The following TRAF2 variants were observed in gnomAD, a reference collection of about 807,000 sequenced individuals.
TRAF2 encodes the protein TNF receptor associated factor 2, also known as TNF receptor-associated factor 2.
A neutral mutation model predicts 55.6 loss-of-function variants in TRAF2; 6 were observed. The observed-to-expected ratio is 0.11, with a 90% CI of 0.06 to 0.21. The LOEUF is 0.21. Ranked by LOEUF, TRAF2 falls within the 10% of genes least tolerant of loss-of-function variation. The pLI is 1.00. For missense variants in TRAF2, 561 were observed against 684.5 expected (o/e 0.82, Z 2.01); for synonymous variants, 329 against 276.3 (o/e 1.19, Z -1.89).
chr9:136,886,038 C>A (rs1849438195), upstream of TRAF2: 1 of 152,244 alleles, frequency 6.6e-6, no homozygotes, highest in African/African-American at 2.4e-5. Flanking sequence ...GGCCCCGCGT[C>A]CCGCGCGCGA....
At chr9:136,917,340 T>A (rs1441193510) in intron 7 of TRAF2, among the ~76,000 whole-genome samples, 1 of 152,244 alleles carries the variant, frequency 6.6e-6, no homozygotes, top group African/African-American at 2.4e-5. Flanking sequence ...CATGCCCACT[T>A]GTGCCCACCC....
chr9:136,886,966 C>A (rs889041025), intron 1 of TRAF2, among the ~76,000 whole-genome samples: 1 of 152,182 alleles, frequency 6.6e-6, no homozygotes, highest in African/African-American at 2.4e-5. Flanking sequence ...AGCCCCGCAC[C>A]CTCAGCCGGC....
chr9:136,884,675 G>A (rs1160028402), upstream of TRAF2, among the ~76,000 whole-genome samples: 1 of 152,246 alleles, frequency 6.6e-6, no homozygotes, highest in Non-Finnish European at 1.5e-5. Context: ...TCCTGCCTCA[G>A]CCTTCCAAGC....
intron 4 of TRAF2, among the ~76,000 whole-genome samples, chr9:136,907,057 G>T (rs955011805): frequency 6.6e-6 from 1 of 152,368 alleles, no homozygotes; most frequent in South Asian, 2.1e-4. Context: ...GCAGCAGTGG[G>T]CTGGAGAGGT....
At position 136,921,078 on chromosome 9, in the gene TRAF2, C is replaced by T. The variant is rs528114067; in HGVS notation, c.1001C>T (p.Ala334Val). Reference protein sequence around the residue: ...LERSIGLKDLAMADLEQKVLE... With the variant: ...LERSIGLKDLVMADLEQKVLE... Reference sequence around the variant, plus strand: ...AGGAGCATTGGCCTCAAGGACCTGGCGATGGCTGACTTGGAGCAGAAGGTC... The same window carrying T: ...AGGAGCATTGGCCTCAAGGACCTGGTGATGGCTGACTTGGAGCAGAAGGTC... Residue 334 changes from alanine (A) to valine (V), a missense_variant, in exon 9 of 11, where the codon GCG becomes GTG. Around this residue, in one of 2 missense-constraint regions of TRAF2, gnomAD observed 426 missense variants for 476.8 expected, o/e 0.89. Coordinates refer to ENST00000247668, the MANE Select transcript of TRAF2 (RefSeq NM_021138.4). 25 of 1,614,010 alleles carry T rather than the reference C, an allele frequency of 1.5e-5. No homozygotes were observed. Among genetic ancestry groups the T allele is most frequent in the South Asian group, 4.4e-5 (4 of 91,076 alleles).
upstream of TRAF2, among the ~76,000 whole-genome samples, chr9:136,883,033 G>A (rs879548547): frequency 1.3e-5 from 2 of 152,128 alleles, no homozygotes; most frequent in African/African-American, 4.8e-5. Flanking sequence ...ATCATGTTCA[G>A]TTAATTTTTG....
chr9:136,913,126 G>C (rs1588437746), intron 6 of TRAF2, among the ~76,000 whole-genome samples: 1 of 152,092 alleles, frequency 6.6e-6, no homozygotes, highest in Admixed American at 6.5e-5. Context: ...CTGGGCCACA[G>C]AGTGAAACTC....
rs111848840 is a variant in TRAF2 at position 136,898,627 on chromosome 9, C to T, written c.-28-86C>T. On this transcript the variant is annotated intron_variant, in intron 1 of 10. Transcript: ENST00000247668. The stretch of plus-strand genomic sequence containing the variant: ...CAGTGGGGACCCGGCCCCTCACCAT[C>T]GCCTGCTACTGATCACCATTGGTTT... 109 of 1,542,868 alleles carry T rather than the reference C, an allele frequency of 7.1e-5. 1 individual carries two copies. The highest frequency in any genetic ancestry group is 5.4e-4 in the African/African-American group (40 of 73,750).
upstream of TRAF2, among the ~76,000 whole-genome samples, chr9:136,885,111 G>A (rs946431455): frequency 3.3e-5 from 5 of 152,232 alleles, no homozygotes; most frequent in African/African-American, 1.2e-4. Flanking sequence ...AGGAATGTGG[G>A]TTTGGGGCGG....
intron 4 of TRAF2, 29 bp downstream of exon 4, chr9:136,900,549 C>T (rs550960750): frequency 9.4e-6 from 15 of 1,589,782 alleles, no homozygotes; most frequent in Admixed American, 8.4e-5. Context: ...GGCATGGTGA[C>T]AGAAGCTCCA....
intron 4 of TRAF2, among the ~76,000 whole-genome samples, chr9:136,902,598 C>G (rs1849847082): frequency 6.6e-6 from 1 of 152,200 alleles, no homozygotes; most frequent in Non-Finnish European, 1.5e-5. Context: ...TTTGAGAGCT[C>G]TGGAAAGTCC....
At chr9:136,923,801 C>T in intron 9 of TRAF2, 51 bp from the exon 10 acceptor site, 3 of 1,594,472 alleles carry the variant, frequency 1.9e-6, no homozygotes, top group Middle Eastern at 1.8e-4. Context: ...AAGAGCCCTG[C>T]CCCGCCCTTG....
chr9:136,890,374 C>G (rs1158489017), intron 1 of TRAF2: 1 of 152,298 alleles, frequency 6.6e-6, no homozygotes, highest in Non-Finnish European at 1.5e-5. Flanking sequence ...GCTGACCCCT[C>G]ACGTCTCTTA....
At chr9:136,916,871 A>G (rs891443499) in intron 7 of TRAF2, among the ~76,000 whole-genome samples, 2 of 151,900 alleles carry the variant, frequency 1.3e-5, no homozygotes, top group African/African-American at 4.8e-5. Flanking sequence ...GTGTGTGCCC[A>G]CCTGTCGCCT....
intron 5 of TRAF2, 27 bp downstream of exon 5, chr9:136,908,258 G>A (rs1462064981): frequency 1.3e-6 from 2 of 1,541,026 alleles, no homozygotes; most frequent in Non-Finnish European, 1.7e-6. Context: ...AGCAGCCTGT[G>A]TGGCTGCAGC....
intron 6 of TRAF2, among the ~76,000 whole-genome samples, chr9:136,911,785 T>C (rs113005372): frequency 1.3e-5 from 2 of 151,522 alleles, no homozygotes; most frequent in African/African-American, 2.4e-5. Flanking sequence ...CAGAGGAGAA[T>C]GCTGAGAGTG....
chr9:136,920,659 T>C (rs1294907814), intron 8 of TRAF2, 144 bp downstream of exon 8: 2 of 1,201,074 alleles, frequency 1.7e-6, no homozygotes, highest in African/African-American at 3.1e-5. Context: ...CCAGTGTGGT[T>C]TAGGGGAGGC....
At chr9:136,915,861 T>TA (rs995480560) in intron 6 of TRAF2, among the ~76,000 whole-genome samples, 9 of 152,222 alleles carry the variant, frequency 5.9e-5, no homozygotes, top group African/African-American at 1.4e-4. Flanking sequence ...GATTCACAGT[T>TA]ACGGCCGTTT....
intron 1 of TRAF2, among the ~76,000 whole-genome samples, chr9:136,897,621 G>T (rs1402092199): frequency 1.3e-5 from 2 of 148,662 alleles, no homozygotes; most frequent in Admixed American, 1.3e-4. Context: ...TAGCTAAAGG[G>T]AGTGCACTAG....
Sources: allele counts gnomAD v4.1 joint callset (sites outside exome capture counted in the v4.1 genomes callset), GRCh38; gene constraint gnomAD v4.1.1; regional missense constraint gnomAD v4.1.1; transcripts MANE v1.5; gene names NCBI Gene and HGNC (gene_info 2026-07-23, HGNC 2026-07-21).